SMYD1: variants seen among roughly 807,000 people sequenced by gnomAD.
The protein encoded by SMYD1 is histone-lysine N-methyltransferase SMYD1.
In SMYD1, 49 loss-of-function variants were observed where a neutral mutation model predicts 54.0. The observed-to-expected ratio is 0.91, with a 90% CI of 0.72 to 1.15. The LOEUF is 1.15. Among genes scored for constraint, SMYD1 ranks in the 50% most tolerant of loss-of-function variants. SMYD1 has a pLI of 0.00. For missense variants in SMYD1, 653 were observed against 639.6 expected (o/e 1.02, Z -0.23); for synonymous variants, 269 against 234.2 (o/e 1.15, Z -1.36).
intron 5 of SMYD1, among the ~76,000 whole-genome samples, chr2:88,094,776 C>A (rs12614915): frequency 0.35 from 53,623 of 151,920 alleles, 9,583 homozygotes; most frequent in Middle Eastern, 0.46. Context: ...TTCACTGTTG[C>A]ATTAGAATAT....
Position 88,088,751 on chromosome 2 carries a change from C to T in SMYD1, c.528+676C>T, listed in dbSNP as rs906606074. ...TTTGGAAACCTTTTTCCAGGTCTGC[C>T]AGGCAGGATTGATGTGAAGCCTGGA... On this transcript the variant is annotated intron_variant, in intron 3 of 9. Transcript: ENST00000419482. Among the ~76,000 whole-genome samples, 5 of 152,224 alleles carry T rather than the reference C, an allele frequency of 3.3e-5. No individual in the cohort carries two copies. The East Asian group carries it at 9.6e-4, about 29-fold the overall frequency.
At chr2:88,077,562 T>C (rs557420940) in intron 1 of SMYD1, among the ~76,000 whole-genome samples, 33 of 152,284 alleles carry the variant, frequency 2.2e-4, no homozygotes, top group Non-Finnish European at 4.0e-4. Context: ...TGAATAGGAA[T>C]GTAAGACTCG....
intron 1 of SMYD1, among the ~76,000 whole-genome samples, chr2:88,070,865 C>A (rs546198277): frequency 1.4e-5 from 2 of 145,012 alleles, no homozygotes; most frequent in Admixed American, 7.2e-5. Context: ...ATCGCTTAAA[C>A]CCGGGAGGCA....
chr2:88,077,976 C>T (rs1327507443), intron 1 of SMYD1, among the ~76,000 whole-genome samples: 4 of 152,182 alleles, frequency 2.6e-5, no homozygotes, highest in South Asian at 4.1e-4. Flanking sequence ...CCACCCGCCT[C>T]GGCCTCCCAA....
chr2:88,092,532 G>T (rs368758648), intron 4 of SMYD1, among the ~76,000 whole-genome samples: 1 of 152,186 alleles, frequency 6.6e-6, no homozygotes, highest in African/African-American at 2.4e-5. Context: ...GCTGAGAATC[G>T]GGCCTAAGCT....
At chr2:88,075,283 G>A (rs551512664) in intron 1 of SMYD1, among the ~76,000 whole-genome samples, 21 of 152,152 alleles carry the variant, frequency 1.4e-4, no homozygotes, top group Non-Finnish European at 2.5e-4. Flanking sequence ...GCCTTTTAAA[G>A]ATGGATTAGA....
chr2:88,070,942 CAAAA>C (rs61024525), intron 1 of SMYD1, among the ~76,000 whole-genome samples: 7 of 60,132 alleles, frequency 1.2e-4, no homozygotes, highest in African/African-American at 1.9e-4. Flanking sequence ...GACTATTTCT[CAAAA>C]AAAAAAAAAA....
intron 3 of SMYD1, among the ~76,000 whole-genome samples, chr2:88,089,836 C>T (rs1340797548): frequency 6.6e-6 from 1 of 152,016 alleles, no homozygotes; most frequent in Non-Finnish European, 1.5e-5. Context: ...AAGTGATCTG[C>T]CCATCTCTGC....
chr2:88,079,124 T>C (rs1674131602), intron 1 of SMYD1, among the ~76,000 whole-genome samples: 1 of 152,242 alleles, frequency 6.6e-6, no homozygotes, highest in Non-Finnish European at 1.5e-5. Context: ...ATAACAGGAA[T>C]TGATCCAAGG....
chr2:88,070,486 T>C (rs973640451), intron 1 of SMYD1, among the ~76,000 whole-genome samples: 1 of 151,958 alleles, frequency 6.6e-6, no homozygotes, highest in African/African-American at 2.4e-5. Flanking sequence ...TTATATGTTA[T>C]ATTGTATATA....
intron 1 of SMYD1, among the ~76,000 whole-genome samples, chr2:88,079,665 A>G (rs1674144286): frequency 6.6e-6 from 1 of 152,172 alleles, no homozygotes; most frequent in South Asian, 2.1e-4. Flanking sequence ...ACTAAAAAAT[A>G]CAAAAATTAG....
At chr2:88,103,274 C>A in intron 7 of SMYD1, 124 bp downstream of exon 7, 2 of 697,104 alleles carry the variant, frequency 2.9e-6, no homozygotes, top group Non-Finnish European at 5.0e-6. Context: ...GGTTATTTTT[C>A]TAGAAGATGT....
At chr2:88,085,955 A>G (rs1017332833) in intron 2 of SMYD1, among the ~76,000 whole-genome samples, 9 of 152,226 alleles carry the variant, frequency 5.9e-5, no homozygotes, top group Non-Finnish European at 7.3e-5. Flanking sequence ...ATGCTTAAAA[A>G]TGGTTAAAAT....
intron 7 of SMYD1, among the ~76,000 whole-genome samples, chr2:88,103,779 C>T (rs1427433114): frequency 1.3e-5 from 2 of 152,050 alleles, no homozygotes; most frequent in Non-Finnish European, 2.9e-5. Context: ...ATTGAATTAA[C>T]CTGGGCAGCT....
chr2:88,111,838 G>A lies in SMYD1; in HGVS notation c.*1326G>A, dbSNP rs4972177. On this transcript the variant is annotated 3_prime_UTR_variant, in exon 10 of 10. Coordinates refer to ENST00000419482, the MANE Select transcript of SMYD1 (RefSeq NM_198274.4). ...ATCCTGGAAAAGATCCCTTCAGTTTGGGGTGTCACCAAGACTTCTACACAA... is the reference window on the plus strand; with the variant it reads ...ATCCTGGAAAAGATCCCTTCAGTTTAGGGTGTCACCAAGACTTCTACACAA... The A allele has an allele frequency of 0.22, 98,838 of 452,536 alleles. 12,214 individuals are homozygous for A. Among genetic ancestry groups the A allele is most frequent in the Non-Finnish European group, 0.27 (67,042 of 252,078 alleles). 28.0% of individuals were successfully genotyped at this position (452,536 alleles called of 1,614,324 possible). A position where few individuals can be genotyped will look rare whatever the true frequency, so the allele number is the denominator to read the frequency against.
intron 3 of SMYD1, among the ~76,000 whole-genome samples, chr2:88,089,292 A>T (rs567127787): frequency 6.6e-6 from 1 of 152,350 alleles, no homozygotes; most frequent in South Asian, 2.1e-4. Context: ...TTTAAATGTG[A>T]ATCTCATCCA....
intron 7 of SMYD1, 90 bp downstream of exon 7, chr2:88,103,240 G>A: frequency 3.0e-6 from 3 of 996,272 alleles, no homozygotes; most frequent in Non-Finnish European, 4.6e-6. Flanking sequence ...AGAACGGGCG[G>A]CGGGGGAGGG....
At position 88,106,531 on chromosome 2, in the gene SMYD1, G is replaced by T. The variant is rs142563659; in HGVS notation, c.1145+43G>T. ...GTCTCAGATAGTCTCCTGGAAGTGT[G>T]TGTATTCCAGGGATGGCAAATAGAT... On this transcript the variant is annotated intron_variant, in intron 8 of 9. Transcript: ENST00000419482. 3.3e-5 allele frequency: 52 copies of T among 1,585,684 alleles called. No individual in the cohort carries two copies. In the African/African-American group the frequency reaches 5.0e-4, roughly 15 times the overall value.
At chr2:88,094,425 A>G (rs987325693) in intron 5 of SMYD1, among the ~76,000 whole-genome samples, 4 of 152,114 alleles carry the variant, frequency 2.6e-5, no homozygotes, top group Non-Finnish European at 4.4e-5. Flanking sequence ...GGAATTGCAG[A>G]TTGTTTGAGG....
Sources: gnomAD v4.1 joint callset for allele counts (sites outside exome capture counted in the v4.1 genomes callset) on GRCh38, gnomAD v4.1.1 for gene constraint, MANE v1.5 for transcripts, NCBI Gene and HGNC (gene_info 2026-07-23, HGNC 2026-07-21) for gene names.